SETD7: variants seen among roughly 807,000 people sequenced by gnomAD.
The protein encoded by SETD7 is histone-lysine N-methyltransferase SETD7.
SETD7 carries 16 observed loss-of-function variants against 41.8 expected under a neutral mutation model. The ratio of observed to expected loss-of-function variants is 0.38; its 90% confidence interval spans 0.26 to 0.58. The LOEUF (loss-of-function observed/expected upper bound fraction) is 0.58. SETD7 is among the 20% of genes least tolerant of loss of function. The probability of loss-of-function intolerance (pLI) is 0.64; values close to 1 mark genes in which losing one functional copy is unlikely to be tolerated. For synonymous variants in SETD7, 163 were observed against 169.7 expected, an observed-to-expected ratio of 0.96 and a Z score of 0.31; for missense variants, 346 against 459.7, an observed-to-expected ratio of 0.75 and a Z score of 2.26.
At chr4:139,496,185 C>G (rs958160528) in exon 8 of SETD7, 1 of 485,962 alleles carries the variant, frequency 2.1e-6, no homozygotes, top group Non-Finnish European at 3.6e-6. Flanking sequence ...CTTTTTCCCC[C>G]CTCTGGTGAC....
At chr4:139,542,189 G>A (rs571981751) in intron 2 of SETD7, among the ~76,000 whole-genome samples, 1 of 152,300 alleles carries the variant, frequency 6.6e-6, no homozygotes, top group South Asian at 2.1e-4. Context: ...ATCTGAAAAA[G>A]CTGATCTTAC....
At chr4:139,554,265 G>C (rs1728194992) in intron 1 of SETD7, among the ~76,000 whole-genome samples, 1 of 152,178 alleles carries the variant, frequency 6.6e-6, no homozygotes, top group African/African-American at 2.4e-5. Flanking sequence ...TTCGAATCCA[G>C]TGGATGTTCT....
chr4:139,509,532 G>T lies in SETD7; in HGVS notation c.*2131C>A. On this transcript the variant is annotated 3_prime_UTR_variant, in exon 8 of 8. Coordinates refer to ENST00000274031, the MANE Select transcript of SETD7 (RefSeq NM_030648.4). Reference sequence around the variant, plus strand: ...CCAGAATGCTATCACTCTCAGGAATGAAATCATTCAGAGCATAGCTGCATC... The same window carrying T: ...CCAGAATGCTATCACTCTCAGGAATTAAATCATTCAGAGCATAGCTGCATC... 1 of 189,704 alleles carries T rather than the reference G, an allele frequency of 5.3e-6. No individual in the cohort carries two copies. The highest frequency in any genetic ancestry group is 9.8e-6 in the Non-Finnish European group (1 of 102,318). The allele number at this position is 189,704 out of a possible 1,614,324, so 11.8% of individuals were successfully genotyped here.
chr4:139,530,161 CTTTT>C (rs1035152985), intron 3 of SETD7, among the ~76,000 whole-genome samples: 1 of 149,176 alleles, frequency 6.7e-6, no homozygotes, highest in Non-Finnish European at 1.5e-5. Flanking sequence ...TTCTTTCTTT[CTTTT>C]TTTTTTCCAT....
chr4:139,533,721 T>C (rs1420087305), intron 2 of SETD7, among the ~76,000 whole-genome samples: 2 of 152,226 alleles, frequency 1.3e-5, no homozygotes, highest in Admixed American at 1.3e-4. Context: ...AAACCATTCA[T>C]GTCTAATTTC....
chr4:139,526,728 T>C (rs1220909822), intron 4 of SETD7, among the ~76,000 whole-genome samples: 1 of 152,222 alleles, frequency 6.6e-6, no homozygotes, highest in African/African-American at 2.4e-5. Flanking sequence ...TAGTAAATGT[T>C]AGAGCTAGGT....
intron 1 of SETD7, among the ~76,000 whole-genome samples, chr4:139,550,249 G>A (rs1257718094): frequency 6.6e-6 from 1 of 152,080 alleles, no homozygotes; most frequent in African/African-American, 2.4e-5. Flanking sequence ...CAAGGTCAGG[G>A]GAGAGCTACC....
chr4:139,516,408 G>A (rs1727025588), intron 7 of SETD7, among the ~76,000 whole-genome samples: 1 of 145,644 alleles, frequency 6.9e-6, no homozygotes, highest in African/African-American at 2.6e-5. Context: ...AGAGGTTGCA[G>A]TGAGCCGAGA....
Position 139,509,741 on chromosome 4 carries a change from T to C in SETD7, c.*1922A>G, listed in dbSNP as rs1452295390. The C allele has an allele frequency of 1.0e-6, 1 of 985,368 alleles. No individual in the cohort carries two copies. Among genetic ancestry groups the C allele is most frequent in the East Asian group, 1.1e-4 (1 of 8,832 alleles). The allele number at this position is 985,368 out of a possible 1,614,324, so 61.0% of individuals were successfully genotyped here. A position where few individuals can be genotyped will look rare whatever the true frequency, so the allele number is the denominator to read the frequency against. On this transcript the variant is annotated 3_prime_UTR_variant, in exon 8 of 8. Transcript: ENST00000274031. ...GCCCTGGCCCATCCGTCACAGTGTA[T>C]AGAACGGTCTCTTTCTACAGAGTAA...
chr4:139,515,526 C>G (rs915067997), intron 7 of SETD7, among the ~76,000 whole-genome samples: 2 of 152,188 alleles, frequency 1.3e-5, no homozygotes, highest in Non-Finnish European at 2.9e-5. Flanking sequence ...TTTGTTACCA[C>G]CCCTTTAAAG....
At position 139,555,409 on chromosome 4, in the gene SETD7, G is replaced by T. The variant is rs562983367; in HGVS notation, c.40+689C>A. Among the ~76,000 whole-genome samples the T allele has an allele frequency of 2.0e-5, 3 of 152,036 alleles. No individual in the cohort carries two copies. The highest frequency in any genetic ancestry group is 4.1e-4 in the South Asian group (2 of 4,826). ...GGCTGCATCCCAGCCAAGCAGGAAG[G>T]GGGAGGGGGAGGCCTGACTGAGTTC... On this transcript the variant is annotated intron_variant, in intron 1 of 7. Coordinates refer to ENST00000274031, the MANE Select transcript of SETD7 (RefSeq NM_030648.4). The surrounding 1 kb of genome is among the most constrained non-coding windows in gnomAD (Gnocchi z 4.0).
At chr4:139,541,146 CAAAT>C (rs1175963454) in intron 2 of SETD7, among the ~76,000 whole-genome samples, 1 of 152,046 alleles carries the variant, frequency 6.6e-6, no homozygotes, top group Non-Finnish European at 1.5e-5. Context: ...ACAATATAAA[CAAAT>C]AAAGCTGAAT....
chr4:139,502,608 T>C (rs149016621), downstream of SETD7, among the ~76,000 whole-genome samples: 2 of 152,034 alleles, frequency 1.3e-5, no homozygotes, highest in Non-Finnish European at 2.9e-5. Flanking sequence ...CAGAGAGTAG[T>C]CGAAAGCCCA....
chr4:139,541,563 T>C (rs1039027729), intron 2 of SETD7, among the ~76,000 whole-genome samples: 4 of 152,336 alleles, frequency 2.6e-5, no homozygotes, highest in East Asian at 1.9e-4. Flanking sequence ...AAGTCCCAGT[T>C]ACTGAATCTC....
At chr4:139,543,798 C>A (rs28535558) in intron 2 of SETD7, among the ~76,000 whole-genome samples, 126 of 119,838 alleles carry the variant, frequency 1.1e-3, no homozygotes, top group Middle Eastern at 4.0e-3. Context: ...TAAAAAAATA[C>A]AAAAAAAAAA....
chr4:139,546,815 A>C (rs1265494663), intron 2 of SETD7, 105 bp downstream of exon 2: 35 of 1,501,490 alleles, frequency 2.3e-5, no homozygotes, highest in Non-Finnish European at 3.0e-5. Context: ...TTACCCATTG[A>C]ATAAATTGTA....
intron 1 of SETD7, 83 bp from the exon 2 acceptor site, chr4:139,547,132 A>C: frequency 6.5e-7 from 1 of 1,540,394 alleles, no homozygotes; most frequent in Admixed American, 2.0e-5. Context: ...ATGCTGCCAG[A>C]CAAGTCCCCC....
At chr4:139,496,380 C>A in exon 8 of SETD7, 1 of 702,420 alleles carries the variant, frequency 1.4e-6, no homozygotes, top group Non-Finnish European at 2.6e-6. Context: ...TCATTATGAG[C>A]ATCAGTCCTT....
In SETD7 at chr4:139,538,574, C is replaced by T. The variant is rs577185362; in HGVS notation, c.171-5208G>A. 2.9e-3 allele frequency among the ~76,000 whole-genome samples: 442 copies of T among 152,302 alleles called. 2 individuals are homozygous for T. Among genetic ancestry groups the T allele is most frequent in the African/African-American group, 9.8e-3 (409 of 41,556 alleles). ...GAACTCCTGACCTCAAGTGATCCAC[C>T]CGCCTCAGCCTGTGCTAGGATTACA... On this transcript the variant is annotated intron_variant, in intron 2 of 7. Transcript: ENST00000274031.
Sources: gnomAD v4.1 joint callset for allele counts (sites outside exome capture counted in the v4.1 genomes callset) on GRCh38, gnomAD v4.1.1 for gene constraint, Gnocchi (gnomAD v3.1) non-coding constraint, MANE v1.5 for transcripts, NCBI Gene and HGNC (gene_info 2026-07-23, HGNC 2026-07-21) for gene names.